SEH1L: variants seen among roughly 807,000 people sequenced by gnomAD.
The protein encoded by SEH1L is SEH1 like nucleoporin.
SEH1L carries 18 observed loss-of-function variants against 49.5 expected under a neutral mutation model. The observed-to-expected ratio is 0.36, with a 90% CI of 0.25 to 0.54. The LOEUF (loss-of-function observed/expected upper bound fraction) is 0.54. Among genes scored for constraint, SEH1L ranks in the 20% least tolerant of loss-of-function variants. The pLI, the probability that SEH1L is intolerant of heterozygous loss-of-function variation, is 0.87. For missense variants in SEH1L, 404 were observed against 528.8 expected, an observed-to-expected ratio of 0.76 and a Z score of 2.31; for synonymous variants, 169 against 178.1, an observed-to-expected ratio of 0.95 and a Z score of 0.41.
intron 1 of SEH1L, chr18:12,948,504 C>T (rs921559068): frequency 1.4e-5 from 4 of 283,892 alleles, no homozygotes; most frequent in Non-Finnish European, 2.6e-5. Flanking sequence ...TCCCAGGCCG[C>T]GCTGCCGGGG....
chr18:12,967,572 G>A (rs1256656606), intron 4 of SEH1L, among the ~76,000 whole-genome samples: 1 of 152,202 alleles, frequency 6.6e-6, no homozygotes, highest in Non-Finnish European at 1.5e-5. Context: ...ACTGCATCAG[G>A]CAACTGGATT....
Position 12,948,115 on chromosome 18 carries a change from G to C in SEH1L, c.-7G>C, listed in dbSNP as rs762680499. The C allele has an allele frequency of 1.4e-5, 23 of 1,608,366 alleles. No individual in the cohort carries two copies. Among genetic ancestry groups the C allele is most frequent in the Non-Finnish European group, 1.8e-5 (21 of 1,177,338 alleles). On this transcript the variant is annotated 5_prime_UTR_variant, in exon 1 of 9. Transcript: ENST00000399892. Reference sequence around the variant, plus strand: ...TCCTCTTCGGAGGCGCGGGCCCGACGGAAACCATGTTTGTGGCTCGCAGCA... The same window carrying C: ...TCCTCTTCGGAGGCGCGGGCCCGACCGAAACCATGTTTGTGGCTCGCAGCA...
intron 7 of SEH1L, 83 bp from the exon 8 acceptor site, chr18:12,983,957 G>T: frequency 1.0e-6 from 1 of 985,362 alleles, no homozygotes; most frequent in Non-Finnish European, 1.5e-6. Context: ...TTCTTTAATT[G>T]TAGTTTAAGG....
At chr18:12,982,927 A>G (rs1006679571) in intron 7 of SEH1L, 13 of 300,108 alleles carry the variant, frequency 4.3e-5, no homozygotes, top group Middle Eastern at 9.8e-4. Context: ...AATATCTCCA[A>G]TAAAAAGATA....
At chr18:12,963,107 C>G in intron 3 of SEH1L, 53 bp from the exon 4 acceptor site, 1 of 1,348,696 alleles carries the variant, frequency 7.4e-7, no homozygotes, top group Non-Finnish European at 1.0e-6. Context: ...CTTTTCCACT[C>G]TACCATGCTT....
intron 4 of SEH1L, among the ~76,000 whole-genome samples, chr18:12,966,149 G>T (rs1202686985): frequency 6.7e-6 from 1 of 149,308 alleles, no homozygotes; most frequent in Admixed American, 6.7e-5. Flanking sequence ...CTGGAGTGCA[G>T]TGGTGTGATC....
chr18:12,959,152 G>C (rs887971746), intron 3 of SEH1L, among the ~76,000 whole-genome samples: 8 of 152,066 alleles, frequency 5.3e-5, no homozygotes, highest in Non-Finnish European at 1.2e-4. Context: ...ATGTCTTCCT[G>C]GGGAAAATAC....
chr18:12,985,483 G>A (rs375645784), intron 8 of SEH1L: 1 of 1,261,958 alleles, frequency 7.9e-7, no homozygotes, highest in African/African-American at 1.6e-5. Flanking sequence ...TAAACGGAGA[G>A]GCTTTCTGTT....
chr18:12,962,805 A>G (rs544297514), intron 3 of SEH1L, among the ~76,000 whole-genome samples: 2 of 151,988 alleles, frequency 1.3e-5, no homozygotes, highest in African/African-American at 2.4e-5. Context: ...TGCTTGCAGC[A>G]TGCTTTGTGT....
chr18:12,959,927 A>T (rs2031093020), intron 3 of SEH1L, among the ~76,000 whole-genome samples: 1 of 152,176 alleles, frequency 6.6e-6, no homozygotes, highest in Non-Finnish European at 1.5e-5. Context: ...GGTTTATTCG[A>T]TTTGGCTAAA....
chr18:12,980,806 C>A, intron 6 of SEH1L, among the ~76,000 whole-genome samples: 1 of 111,276 alleles, frequency 9.0e-6, no homozygotes. Flanking sequence ...GACGGGGCGG[C>A]TGGCCGGGCG....
Position 12,978,864 on chromosome 18 carries a change from G to T in SEH1L, c.733G>T (p.Val245Leu), listed in dbSNP as rs770769506. The T allele has an allele frequency of 6.2e-7, 1 of 1,614,060 alleles. No individual in the cohort carries two copies. Among genetic ancestry groups the T allele is most frequent in the South Asian group, 1.1e-5 (1 of 91,082 alleles). ...FHILAIATKD[V>L]RIFTLKPVRK... is the part of the protein sequence containing the mutation. ...TATTCTAGCAATAGCGACCAAAGATGTGAGAATTTTTACATTAAAGCCTGT... is the reference window on the plus strand; with the variant it reads ...TATTCTAGCAATAGCGACCAAAGATTTGAGAATTTTTACATTAAAGCCTGT... Residue 245 changes from valine to leucine, a missense_variant, in exon 6 of 9, where the codon GTG becomes TTG. Physicochemically the swap from Val to Leu is conservative, Grantham distance 32 (BLOSUM62 1). Around this residue, in one of 3 missense-constraint regions of SEH1L, gnomAD observed 342 missense variants for 430.8 expected, o/e 0.79. Coordinates refer to ENST00000399892, the MANE Select transcript of SEH1L (RefSeq NM_001013437.2).
intron 3 of SEH1L, among the ~76,000 whole-genome samples, chr18:12,959,419 C>T (rs367967754): frequency 1.2e-4 from 18 of 152,264 alleles, no homozygotes; most frequent in African/African-American, 2.6e-4. Context: ...TGGGTTCAAG[C>T]GATCCTCCAC....
chr18:12,966,869 T>A (rs2031475698), intron 4 of SEH1L, among the ~76,000 whole-genome samples: 1 of 152,248 alleles, frequency 6.6e-6, no homozygotes, highest in Non-Finnish European at 1.5e-5. Flanking sequence ...AAAACAAAAT[T>A]GTTTGGAGAT....
intron 4 of SEH1L, among the ~76,000 whole-genome samples, chr18:12,969,517 A>G (rs536561316): frequency 6.6e-6 from 1 of 151,590 alleles, no homozygotes; most frequent in Admixed American, 6.6e-5. Context: ...GTGAAACCTC[A>G]TCTTTACTAA....
At chr18:12,984,245 A>G (rs752595545) in intron 8 of SEH1L, 55 bp downstream of exon 8, 49 of 1,548,544 alleles carry the variant, frequency 3.2e-5, no homozygotes, top group Admixed American at 6.7e-5. Flanking sequence ...TCATTCTGGT[A>G]GCCATACTTA....
At position 12,987,340 on chromosome 18, in the gene SEH1L, G is replaced by A. The variant is rs80108323; in HGVS notation, c.*283G>A. 0.032 allele frequency: 7,068 copies of A among 221,960 alleles called. 405 individuals carry two copies. The highest frequency in any genetic ancestry group is 0.14 in the African/African-American group (5,965 of 44,154). The allele number at this position is 221,960 out of a possible 1,614,324, so 13.7% of individuals were successfully genotyped here. On this transcript the variant is annotated 3_prime_UTR_variant, in exon 9 of 9. Transcript: ENST00000399892. ...TAGCTGACTTCAAAGTGCCTGTTCT[G>A]TAAATTTTATTTTAAACTGTTACCA...
intron 2 of SEH1L, 61 bp downstream of exon 2, chr18:12,951,966 T>C (rs1314213821): frequency 1.1e-6 from 1 of 922,548 alleles, no homozygotes; most frequent in Non-Finnish European, 1.6e-6. Context: ...ATTTTATAGT[T>C]ATCTATGAAT....
Position 12,978,845 on chromosome 18 carries a change from A to G in SEH1L, c.714A>G (p.Leu238=). ...APNLGRSFHI[L]AIATKDVRIF... The stretch of plus-strand genomic sequence containing the variant: ...ATTTGGGAAGATCTTTCCATATTCT[A>G]GCAATAGCGACCAAAGATGTGAGAA... The change falls in exon 6 of 9, where the codon CTA becomes CTG. Residue 238 remains leucine (L), a synonymous_variant. Transcript: ENST00000399892. 6.2e-7 allele frequency: 1 copy of G among 1,614,066 alleles called. No homozygotes were observed. The highest frequency in any genetic ancestry group is 8.5e-7 in the Non-Finnish European group (1 of 1,179,960).
Sources: gnomAD v4.1 joint callset for allele counts (sites outside exome capture counted in the v4.1 genomes callset) on GRCh38, gnomAD v4.1.1 for gene constraint, gnomAD v4.1.1 regional missense constraint, MANE v1.5 for transcripts, NCBI Gene and HGNC (gene_info 2026-07-23, HGNC 2026-07-21) for gene names.